The following COL22A1 variants were observed in gnomAD, a reference collection of about 807,000 sequenced individuals.
The protein encoded by COL22A1 is collagen type XXII alpha 1 chain, also known as collagen alpha-1(XXII) chain.
In COL22A1, 221 loss-of-function variants were observed where a neutral mutation model predicts 248.9. The ratio of observed to expected loss-of-function variants is 0.89; its 90% CI spans 0.80 to 0.99. COL22A1 has a LOEUF of 0.99. Among genes scored for constraint, COL22A1 ranks in the 50% least tolerant of loss-of-function variants. COL22A1 has a pLI of 0.00. For missense variants in COL22A1, 2,240 were observed against 2,179.0 expected (o/e 1.03, Z -0.56); for synonymous variants, 891 against 793.4 (o/e 1.12, Z -2.07).
intron 56 of COL22A1, among the ~76,000 whole-genome samples, chr8:138,611,774 C>T (rs1472109233): frequency 1.3e-5 from 2 of 152,198 alleles, no homozygotes; most frequent in Non-Finnish European, 2.9e-5. Context: ...GTGACTCTAC[C>T]TGCTAAGTTC....
intron 17 of COL22A1, 99 bp downstream of exon 17, chr8:138,762,314 C>T (rs770391387): frequency 2.5e-6 from 3 of 1,193,744 alleles, no homozygotes; most frequent in Non-Finnish European, 3.7e-6. Context: ...AGGAGGAGGC[C>T]CAGGTGCTGA....
At position 138,811,742 on chromosome 8, in the gene COL22A1, A is replaced by G. The variant is rs374084666; in HGVS notation, c.1449+57T>C. 1.9e-5 allele frequency: 31 copies of G among 1,608,722 alleles called. 1 individual carries two copies. The highest frequency in any genetic ancestry group is 4.5e-5 in the East Asian group (2 of 44,834). The stretch of plus-strand genomic sequence containing the variant: ...TGAAAGGCCACATGCATGATGGGAA[A>G]CTCCCACTGCACCACCCAGGGTTCT... On this transcript the variant is annotated intron_variant, in intron 9 of 64. Transcript: ENST00000303045.
rs371638852 is a variant in COL22A1 at position 138,740,258 on chromosome 8, T to C, written c.2086-2681A>G. Among the ~76,000 whole-genome samples the C allele has an allele frequency of 3.6e-4, 55 of 152,350 alleles. 2 individuals carry two copies. The South Asian group carries it at 0.011, about 30-fold the overall frequency. ...GAAGTTAGAATCCAAGCCAGCAATG[T>C]AACTGTGTTGAGAGGAAAGACTGAA... On this transcript the variant is annotated intron_variant, in intron 22 of 64. Transcript: ENST00000303045.
At chr8:138,830,640 T>C (rs1474920577) in intron 5 of COL22A1, among the ~76,000 whole-genome samples, 1 of 152,256 alleles carries the variant, frequency 6.6e-6, no homozygotes, top group African/African-American at 2.4e-5. Context: ...ATTGCCTGAA[T>C]TCGGCCGCTT....
At chr8:138,785,869 C>T (rs1815476020) in intron 12 of COL22A1, among the ~76,000 whole-genome samples, 1 of 152,212 alleles carries the variant, frequency 6.6e-6, no homozygotes, top group South Asian at 2.1e-4. Context: ...GCCCTGTGTG[C>T]TTCAATTCTT....
chr8:138,623,260 T>TA (rs1564109173), intron 52 of COL22A1, among the ~76,000 whole-genome samples: 592 of 52,362 alleles, frequency 0.011, 4 homozygotes, highest in African/African-American at 0.039. Flanking sequence ...ATATATATAT[T>TA]TATGTGTGTG....
chr8:138,651,250 T>A (rs1822707904), intron 45 of COL22A1, among the ~76,000 whole-genome samples: 1 of 152,174 alleles, frequency 6.6e-6, no homozygotes, highest in Non-Finnish European at 1.5e-5. Flanking sequence ...AGTACTAGTC[T>A]CCTTGTTGGA....
At chr8:138,612,165 G>A (rs78808068) in intron 56 of COL22A1, among the ~76,000 whole-genome samples, 5,595 of 152,070 alleles carry the variant, frequency 0.037, 318 homozygotes, top group African/African-American at 0.13. Context: ...ATTGGGTGGG[G>A]GTGAAAAGGG....
intron 1 of COL22A1, among the ~76,000 whole-genome samples, chr8:138,901,313 G>A (rs533434268): frequency 3.3e-5 from 5 of 150,730 alleles, no homozygotes; most frequent in Admixed American, 6.6e-5. Context: ...GCCACCAACA[G>A]CCTCAGACAT....
At chr8:138,599,880 G>A (rs903350703) in intron 60 of COL22A1, among the ~76,000 whole-genome samples, 2 of 152,188 alleles carry the variant, frequency 1.3e-5, no homozygotes, top group Admixed American at 6.5e-5. Flanking sequence ...GCAGCTCCTC[G>A]GGCTGCCTGG....
chr8:138,833,399 G>C (rs1267884003), intron 4 of COL22A1, among the ~76,000 whole-genome samples: 1 of 152,242 alleles, frequency 6.6e-6, no homozygotes, highest in Admixed American at 6.5e-5. Context: ...TCAAGAAAAT[G>C]TGTGTGCATG....
At chr8:138,722,926 T>C (rs980799000) in intron 25 of COL22A1, among the ~76,000 whole-genome samples, 2 of 138,534 alleles carry the variant, frequency 1.4e-5, no homozygotes, top group Admixed American at 1.6e-4. Flanking sequence ...AGGGAGAGCA[T>C]CAGGAAGAAT....
Position 138,623,833 on chromosome 8 carries a change from G to T in COL22A1, c.3718-48C>A, listed in dbSNP as rs770937484. ...TTATCAGGTCAAAGAAGATTCGAGG[G>T]GATGGAAAGACGAAGGCAGTTTCAG... On this transcript the variant is annotated intron_variant, in intron 51 of 64. Coordinates refer to ENST00000303045, the MANE Select transcript of COL22A1 (RefSeq NM_152888.3). The T allele has an allele frequency of 1.9e-6, 3 of 1,551,090 alleles. No individual in the cohort carries two copies. The South Asian group carries it at 3.5e-5, about 18-fold the overall frequency.
chr8:138,889,574 G>A lies in COL22A1; in HGVS notation c.-72-6330C>T, dbSNP rs551923260. ...TCTGAGGACTGTTGTGGGGTGGGGGGAGTGGGGAGGGATAGCATTAGGAGA... is the reference window on the plus strand; with the variant it reads ...TCTGAGGACTGTTGTGGGGTGGGGGAAGTGGGGAGGGATAGCATTAGGAGA... On this transcript the variant is annotated intron_variant, in intron 1 of 64. Transcript: ENST00000303045. 2.9e-3 allele frequency among the ~76,000 whole-genome samples: 438 copies of A among 152,194 alleles called. 5 individuals carry two copies. The highest frequency in any genetic ancestry group is 0.01 in the African/African-American group (427 of 41,512).
intron 16 of COL22A1, among the ~76,000 whole-genome samples, chr8:138,771,708 G>C (rs1342075422): frequency 1.3e-5 from 2 of 152,214 alleles, no homozygotes; most frequent in Non-Finnish European, 2.9e-5. Flanking sequence ...GAATGTGTTA[G>C]TTATGGACCG....
chr8:138,639,869 A>G (rs1587735679), intron 47 of COL22A1, among the ~76,000 whole-genome samples: 1 of 152,188 alleles, frequency 6.6e-6, no homozygotes, highest in African/African-American at 2.4e-5. Flanking sequence ...CAAGTTGCAA[A>G]TCTATTTCCT....
rs540955561 is a variant in COL22A1, at chr8:138,606,450, G to A, written c.4035C>T (p.Gly1345=). The A allele has an allele frequency of 1.5e-5, 24 of 1,613,462 alleles. No homozygotes were observed. In the African/African-American group the frequency reaches 2.8e-4, roughly 19 times the overall value. The part of the protein sequence containing the change: ...PGEPGPSGTP[G]QKGSKGENGS... ...CATTTTCCCCTTTGCTTCCTTTCTGGCCCTGCAAAGAGAAAACTGAGAATT... is the reference window on the plus strand; with the variant it reads ...CATTTTCCCCTTTGCTTCCTTTCTGACCCTGCAAAGAGAAAACTGAGAATT... The change falls in exon 58 of 65, where the codon GGC becomes GGT. Residue 1345 remains glycine (G), a splice_region_variant and synonymous_variant. Coordinates refer to ENST00000303045, the MANE Select transcript of COL22A1 (RefSeq NM_152888.3).
intron 9 of COL22A1, among the ~76,000 whole-genome samples, chr8:138,810,006 C>A (rs530613132): frequency 6.6e-6 from 1 of 152,228 alleles, no homozygotes; most frequent in African/African-American, 2.4e-5. Flanking sequence ...GAGACATTTT[C>A]AATCTAATGT....
At position 138,778,356 on chromosome 8, in the gene COL22A1, A is replaced by G; in HGVS notation, c.1755T>C (p.Ala585=). ...CCAGACAAGTGCCTTCACTTACAGG[A>G]GCTCCGACACGTCCAGGAGGTCCGG... ...GLPGPPGRVG[A]PGLQGERGEK... Residue 585 remains alanine, a synonymous_variant, in exon 15 of 65, where the codon GCT becomes GCC. Transcript: ENST00000303045. The G allele has an allele frequency of 1.9e-6, 3 of 1,613,908 alleles. No homozygotes were observed. The highest frequency in any genetic ancestry group is 2.5e-6 in the Non-Finnish European group (3 of 1,179,912).
Sources: gnomAD v4.1 joint callset for allele counts (sites outside exome capture counted in the v4.1 genomes callset) on GRCh38, gnomAD v4.1.1 for gene constraint, MANE v1.5 for transcripts, NCBI Gene and HGNC (gene_info 2026-07-23, HGNC 2026-07-21) for gene names.